The following KCNIP4 variants were observed in gnomAD, a reference collection of about 807,000 sequenced individuals.
The protein encoded by KCNIP4 is potassium voltage-gated channel interacting protein 4.
In KCNIP4, 12 loss-of-function variants were observed where a neutral mutation model predicts 34.0. The ratio of observed to expected loss-of-function variants is 0.35; its 90% CI spans 0.23 to 0.57. The LOEUF is 0.57. Ranked by LOEUF, KCNIP4 falls within the 20% of genes least tolerant of loss-of-function variation. KCNIP4 has a pLI of 0.83. For missense variants in KCNIP4, 238 were observed against 311.7 expected (o/e 0.76, Z 1.78); for synonymous variants, 124 against 102.2 (o/e 1.21, Z -1.29).
intron 1 of KCNIP4, among the ~76,000 whole-genome samples, chr4:21,022,869 A>T (rs1740199190): frequency 6.6e-6 from 1 of 152,040 alleles, no homozygotes; most frequent in Admixed American, 6.6e-5. Flanking sequence ...TTTTTCGCCC[A>T]GTCTGGAGTG....
intron 1 of KCNIP4, among the ~76,000 whole-genome samples, chr4:21,798,373 G>A (rs1350809318): frequency 3.0e-5 from 4 of 135,524 alleles, no homozygotes; most frequent in Admixed American, 7.7e-5. Context: ...GCAACATGGC[G>A]GAACCCCGTT....
chr4:21,694,531 G>A (rs1712048566), intron 1 of KCNIP4, among the ~76,000 whole-genome samples: 2 of 152,026 alleles, frequency 1.3e-5, no homozygotes, highest in African/African-American at 2.4e-5. Flanking sequence ...AAATATGTAG[G>A]AAGTTTCAGG....
chr4:20,894,755 T>C (rs1316134806), intron 1 of KCNIP4, among the ~76,000 whole-genome samples: 1 of 152,096 alleles, frequency 6.6e-6, no homozygotes, highest in Non-Finnish European at 1.5e-5. Flanking sequence ...TATAATCTAA[T>C]GGGGAAGGAT....
At chr4:20,808,941 T>A (rs1715405500) in intron 3 of KCNIP4, among the ~76,000 whole-genome samples, 1 of 152,190 alleles carries the variant, frequency 6.6e-6, no homozygotes, top group Admixed American at 6.5e-5. Context: ...GTTTACTTAG[T>A]TGTCCTCTCT....
intron 1 of KCNIP4, among the ~76,000 whole-genome samples, chr4:21,354,216 G>T (rs553327556): frequency 1.3e-5 from 2 of 152,104 alleles, no homozygotes; most frequent in East Asian, 3.9e-4. Flanking sequence ...AAAGACCATC[G>T]ATGCTATGAA....
chr4:20,797,877 A>G (rs939483654), intron 3 of KCNIP4, among the ~76,000 whole-genome samples: 3 of 152,206 alleles, frequency 2.0e-5, no homozygotes, highest in African/African-American at 4.8e-5. Flanking sequence ...AGCTTTGCCT[A>G]TACCTGGATT....
At chr4:21,128,205 T>C (rs1577741291) in intron 1 of KCNIP4, among the ~76,000 whole-genome samples, 2 of 152,270 alleles carry the variant, frequency 1.3e-5, no homozygotes, top group Non-Finnish European at 1.5e-5. Context: ...ACAGCTTTCA[T>C]AGAGAGTAAA....
chr4:21,080,336 C>G (rs1204975089), intron 1 of KCNIP4, among the ~76,000 whole-genome samples: 1 of 151,898 alleles, frequency 6.6e-6, no homozygotes, highest in East Asian at 1.9e-4. Context: ...ATAACAAACA[C>G]TATAGAAGTG....
intron 1 of KCNIP4, among the ~76,000 whole-genome samples, chr4:21,237,334 G>A (rs68047700): frequency 0.2 from 30,394 of 151,942 alleles, 5,981 homozygotes; most frequent in African/African-American, 0.51. Flanking sequence ...ATATATAAAC[G>A]AGTTCAGGCA....
chr4:21,178,250 C>T (rs1215372173), intron 1 of KCNIP4, among the ~76,000 whole-genome samples: 1 of 152,148 alleles, frequency 6.6e-6, no homozygotes, highest in Non-Finnish European at 1.5e-5. Flanking sequence ...ATTATATATG[C>T]AATTACAAGT....
intron 1 of KCNIP4, among the ~76,000 whole-genome samples, chr4:21,761,539 T>C (rs1468677842): frequency 6.6e-6 from 1 of 151,952 alleles, no homozygotes; most frequent in Non-Finnish European, 1.5e-5. Flanking sequence ...AACCATCTTA[T>C]AACTAAATTT....
intron 1 of KCNIP4, among the ~76,000 whole-genome samples, chr4:21,548,859 A>G (rs1738346092): frequency 1.3e-5 from 2 of 152,072 alleles, no homozygotes; most frequent in South Asian, 4.1e-4. Context: ...ATTTAAATTC[A>G]TACTTAAGAT....
intron 2 of KCNIP4, among the ~76,000 whole-genome samples, chr4:20,874,689 T>A (rs1723819183): frequency 6.6e-6 from 1 of 152,092 alleles, no homozygotes; most frequent in African/African-American, 2.4e-5. Flanking sequence ...ATCTCTTTTT[T>A]TTTTTTTTTA....
chr4:20,972,000 C>A (rs1369462926), intron 1 of KCNIP4, among the ~76,000 whole-genome samples: 2 of 152,218 alleles, frequency 1.3e-5, no homozygotes, highest in Admixed American at 6.5e-5. Context: ...AAACTGCTTT[C>A]TTTGTCCATC....
At chr4:21,774,035 T>C (rs1408507983) in intron 1 of KCNIP4, among the ~76,000 whole-genome samples, 1 of 151,980 alleles carries the variant, frequency 6.6e-6, no homozygotes, top group African/African-American at 2.4e-5. Context: ...CATAGTGTCA[T>C]TGGTCTTTAT....
At chr4:21,615,571 A>G (rs77781666) in intron 1 of KCNIP4, among the ~76,000 whole-genome samples, 1,575 of 151,938 alleles carry the variant, frequency 0.01, 28 homozygotes, top group African/African-American at 0.037. Context: ...AAAACAAAAA[A>G]AAACATATAA....
intron 1 of KCNIP4, among the ~76,000 whole-genome samples, chr4:21,203,577 T>C (rs1268919486): frequency 5.3e-5 from 8 of 152,188 alleles, no homozygotes; most frequent in African/African-American, 1.9e-4. Context: ...TGAACCTGCA[T>C]GTTACCACTA....
At chr4:21,827,424 C>A (rs908818356) in intron 1 of KCNIP4, among the ~76,000 whole-genome samples, 2 of 151,958 alleles carry the variant, frequency 1.3e-5, no homozygotes, top group East Asian at 3.9e-4. Flanking sequence ...AGAAACAGTC[C>A]TAAGGCTTAA....
chr4:21,694,914 C>CAAAAAAAAAAAAAAAAAAAAA (rs368053041), intron 1 of KCNIP4, among the ~76,000 whole-genome samples: 3 of 46,498 alleles, frequency 6.5e-5, no homozygotes, highest in African/African-American at 2.0e-4. Flanking sequence ...CACGATTGAC[C>CAAAAAAAAAAAAAAAAAAAAA]AAAAAAAAAA....
Sources: allele counts gnomAD v4.1 joint callset (sites outside exome capture counted in the v4.1 genomes callset), GRCh38; gene constraint gnomAD v4.1.1; transcripts MANE v1.5; gene names NCBI Gene and HGNC (gene_info 2026-07-23, HGNC 2026-07-21).